Variants in CIROZ observed in about 807,000 individuals in gnomAD.
CIROZ encodes ciliated left-right organizer ZP-N domains-containing protein.
At chr1:10,954,944 C>A in the CIROZ span, 2 of 1,543,258 alleles carry the variant, frequency 1.3e-6, no homozygotes, top group Non-Finnish European at 1.8e-6. Flanking sequence ...AGGAGAAGGG[C>A]CTCAGGAAGA....
the CIROZ span, chr1:10,982,063 C>T: frequency 6.5e-7 from 1 of 1,537,090 alleles, no homozygotes; most frequent in East Asian, 2.4e-5. Flanking sequence ...CTCTCTCCTG[C>T]CCTGGGAGAA....
the CIROZ span, among the ~76,000 whole-genome samples, chr1:10,969,560 TGGGCGCTTCTTCCA>T: frequency 2.7e-4 from 41 of 152,350 alleles, no homozygotes; most frequent in African/African-American, 9.6e-4. Context: ...CGGCACCAGA[TGGGCGCTTCTTCCA>T]GGGCTTTGGG....
At chr1:10,956,355 T>C in the CIROZ span, among the ~76,000 whole-genome samples, 1 of 152,164 alleles carries the variant, frequency 6.6e-6, no homozygotes, top group African/African-American at 2.4e-5. Context: ...CACAGAGCCC[T>C]GGAGGGTCTG....
At chr1:10,982,040 T>C in the CIROZ span, 1 of 1,537,226 alleles carries the variant, frequency 6.5e-7, no homozygotes, top group Non-Finnish European at 8.7e-7. Flanking sequence ...CCCCACATCC[T>C]CAGGCCCAGC....
At chr1:10,955,117 C>A in the CIROZ span, 2 of 1,614,000 alleles carry the variant, frequency 1.2e-6, no homozygotes, top group Non-Finnish European at 1.7e-6. Context: ...AATGTAGGAA[C>A]CTCTTTTGAC....
the CIROZ span, among the ~76,000 whole-genome samples, chr1:10,962,860 C>T: frequency 6.6e-6 from 1 of 152,238 alleles, no homozygotes; most frequent in Admixed American, 6.5e-5. Flanking sequence ...TGGCCCACGC[C>T]TATAATCCCA....
At chr1:10,959,782 A>G in the CIROZ span, among the ~76,000 whole-genome samples, 1 of 152,262 alleles carries the variant, frequency 6.6e-6, no homozygotes, top group South Asian at 2.1e-4. The surrounding 1 kb of genome is among the most constrained non-coding windows in gnomAD (Gnocchi z 4.3). Context: ...CCAGTTGCCC[A>G]GCTCGGCTGT....
At chr1:10,954,967 C>G in the CIROZ span, 5 of 1,581,150 alleles carry the variant, frequency 3.2e-6, no homozygotes, top group East Asian at 4.5e-5. Flanking sequence ...AGGGGCGAGA[C>G]AGAGATGCCA....
chr1:10,949,327 G>C, the CIROZ span: 7,993 of 462,970 alleles, frequency 0.017, 380 homozygotes, highest in African/African-American at 0.11. Context: ...CATAGCTGCT[G>C]ACCCCCCACC....
the CIROZ span, chr1:10,966,324 TAAA>T: frequency 5.8e-6 from 7 of 1,208,010 alleles, no homozygotes; most frequent in South Asian, 3.2e-5. Context: ...AATCTCCCTT[TAAA>T]AAAAAAAAAA....
chr1:10,970,626 C>CA, the CIROZ span, among the ~76,000 whole-genome samples: 48 of 150,474 alleles, frequency 3.2e-4, no homozygotes, highest in Admixed American at 8.6e-4. Context: ...AACTCTGACT[C>CA]AAAAAAAAAG....
chr1:10,956,902 G>C, the CIROZ span: 6 of 841,752 alleles, frequency 7.1e-6, no homozygotes, highest in Non-Finnish European at 9.2e-6. Context: ...CCAAGGTTGG[G>C]ACTGAGGAGA....
chr1:10,947,872 G>A, the CIROZ span: 1 of 1,611,560 alleles, frequency 6.2e-7, no homozygotes, highest in Non-Finnish European at 8.5e-7. Context: ...GTGGATGGAG[G>A]GCTGGACGTG....
At chr1:10,969,497 C>T in the CIROZ span, among the ~76,000 whole-genome samples, 5 of 152,312 alleles carry the variant, frequency 3.3e-5, no homozygotes, top group East Asian at 7.7e-4. Flanking sequence ...TTGAGAATCA[C>T]CCCTTTAGTC....
chr1:10,961,150 G>A, the CIROZ span, among the ~76,000 whole-genome samples: 1 of 152,090 alleles, frequency 6.6e-6, no homozygotes, highest in African/African-American at 2.4e-5. Flanking sequence ...ATTCGGCCCA[G>A]GCCCACTGTC....
the CIROZ span, among the ~76,000 whole-genome samples, chr1:10,968,026 G>A: frequency 1.3e-5 from 2 of 151,822 alleles, no homozygotes; most frequent in East Asian, 3.9e-4. Flanking sequence ...GGCGCGGTGG[G>A]GGGGCACCTG....
the CIROZ span, chr1:10,956,900 G>A: frequency 1.5e-5 from 12 of 816,054 alleles, no homozygotes; most frequent in South Asian, 2.2e-4. Context: ...AGCCAAGGTT[G>A]GGACTGAGGA....
the CIROZ span, among the ~76,000 whole-genome samples, chr1:10,965,073 C>T: frequency 4.6e-5 from 7 of 152,100 alleles, no homozygotes; most frequent in Admixed American, 6.5e-5. Context: ...CGGTACAAGG[C>T]GGACTTCAAA....
At chr1:10,948,078 T>C in the CIROZ span, 1 of 1,613,228 alleles carries the variant, frequency 6.2e-7, no homozygotes, top group South Asian at 1.1e-5. Context: ...CCCGGTGAGT[T>C]CAGGTCCTGA....
Sources: gnomAD v4.1 joint callset for allele counts (sites outside exome capture counted in the v4.1 genomes callset) on GRCh38, gnomAD v4.1.1 for gene constraint, Gnocchi (gnomAD v3.1) non-coding constraint, MANE v1.5 for transcripts, NCBI Gene and HGNC (gene_info 2026-07-23, HGNC 2026-07-21) for gene names.